Variants in NAB1 observed in about 807,000 individuals in gnomAD.
NAB1 encodes the protein NGFI-A-binding protein 1.
A neutral mutation model predicts 49.9 loss-of-function variants in NAB1; 25 were observed. The ratio of observed to expected loss-of-function variants is 0.50; its 90% confidence interval spans 0.37 to 0.70. The LOEUF (loss-of-function observed/expected upper bound fraction) is 0.70, where lower values mean the gene tolerates loss of function less well. NAB1 is among the 30% of genes least tolerant of loss of function. The pLI is 0.00. For missense variants in NAB1, 489 were observed against 575.9 expected, an observed-to-expected ratio of 0.85 and a Z score of 1.54; for synonymous variants, 198 against 215.6, an observed-to-expected ratio of 0.92 and a Z score of 0.71.
intron 4 of NAB1, among the ~76,000 whole-genome samples, chr2:190,665,835 G>C (rs764423250): frequency 6.6e-6 from 1 of 152,212 alleles, no homozygotes; most frequent in East Asian, 1.9e-4. Context: ...TCTCCTGGGG[G>C]TACAGACGTA....
At chr2:190,687,395 CAAAAAAAA>C (rs60742412) in intron 9 of NAB1, 78 bp downstream of exon 9, 424 of 161,708 alleles carry the variant, frequency 2.6e-3, no homozygotes, top group East Asian at 4.2e-3. Flanking sequence ...CCTCCCCCAT[CAAAAAAAA>C]AAAAAAAAAA....
chr2:190,653,800 T>G (rs1257564813), intron 2 of NAB1: 2 of 152,240 alleles, frequency 1.3e-5, no homozygotes, highest in African/African-American at 4.8e-5. Flanking sequence ...GGGGCCGGAC[T>G]CGTTGCATGA....
rs938704562 is a variant in NAB1 at position 190,692,695 on chromosome 2, T to C, written c.*2362T>C. Reference sequence around the variant, plus strand: ...TGTGCGATGTCCACGTTTTTGTGACTCTTCAAGCTGTTGGTGAGGTGGGAC... The same window carrying C: ...TGTGCGATGTCCACGTTTTTGTGACCCTTCAAGCTGTTGGTGAGGTGGGAC... On this transcript the variant is annotated 3_prime_UTR_variant, in exon 10 of 10. Transcript: ENST00000337386. The surrounding 1 kb of genome is among the most constrained non-coding windows in gnomAD (Gnocchi z 5.2). The C allele has an allele frequency of 3.3e-5, 5 of 152,686 alleles. No individual in the cohort carries two copies. The highest frequency in any genetic ancestry group is 1.2e-4 in the African/African-American group (5 of 41,468). The allele number at this position is 152,686 out of a possible 1,614,324, so 9.5% of individuals were successfully genotyped here.
rs147430098 is a variant in NAB1 at position 190,658,792 on chromosome 2, C to G, written c.-19-366C>G. ...GTATTCAGCAAATGGTTAGCATACTCTGCTTCTTACCTCCTGCTAAATTTG... is the reference window on the plus strand; with the variant it reads ...GTATTCAGCAAATGGTTAGCATACTGTGCTTCTTACCTCCTGCTAAATTTG... On this transcript the variant is annotated intron_variant, in intron 3 of 9. Coordinates refer to ENST00000337386, the MANE Select transcript of NAB1 (RefSeq NM_005966.4). Among the ~76,000 whole-genome samples the G allele has an allele frequency of 1.2e-3, 190 of 152,352 alleles. 2 individuals are homozygous for G. The East Asian group carries it at 0.029, about 23-fold the overall frequency.
In NAB1 at chr2:190,692,232, G is replaced by T. The variant is rs1471897597; in HGVS notation, c.*1899G>T. 6.6e-6 allele frequency: 1 copy of T among 151,018 alleles called. No homozygotes were observed. The highest frequency in any genetic ancestry group is 1.5e-5 in the Non-Finnish European group (1 of 67,540). The allele number at this position is 151,018 out of a possible 1,614,324, so 9.4% of individuals were successfully genotyped here. The stretch of plus-strand genomic sequence containing the variant: ...ATTCTAATCTATTTTGAAACATTTT[G>T]TTTTTTTTTAATTGTGTCTTACAGT... On this transcript the variant is annotated 3_prime_UTR_variant, in exon 10 of 10. Coordinates refer to ENST00000337386, the MANE Select transcript of NAB1 (RefSeq NM_005966.4). This position sits in a 1 kb window ranked among gnomAD's most constrained non-coding sequence, Gnocchi z 5.2.
chr2:190,668,393 GT>G (rs1291774059), intron 4 of NAB1, among the ~76,000 whole-genome samples: 1 of 151,952 alleles, frequency 6.6e-6, no homozygotes, highest in Non-Finnish European at 1.5e-5. Context: ...ATATATGGTT[GT>G]TTTCTACAAT....
chr2:190,655,874 T>C (rs962250240), intron 2 of NAB1, 103 bp from the exon 3 acceptor site: 9 of 152,208 alleles, frequency 5.9e-5, no homozygotes, highest in Non-Finnish European at 1.0e-4. Context: ...TTGGAACAAA[T>C]GATTACCGTT....
chr2:190,670,343 G>A lies in NAB1; in HGVS notation c.837G>A (p.Ala279=), dbSNP rs115192791. Residue 279 remains alanine (A), a synonymous_variant, in exon 5 of 10, where the codon GCG becomes GCA. Coordinates refer to ENST00000337386, the MANE Select transcript of NAB1 (RefSeq NM_005966.4). The surrounding 1 kb of genome is among the most constrained non-coding windows in gnomAD (Gnocchi z 5.3). Reference sequence around the variant, plus strand: ...ATATCCAGCTCACTGTTAATGAAGCGGCTGCTCAACTCTGTGTGAAGGATA... The same window carrying A: ...ATATCCAGCTCACTGTTAATGAAGCAGCTGCTCAACTCTGTGTGAAGGATA... ...LTLHELTVNE[A]AAQLCVKDNA... is the part of the protein sequence containing the mutation. The A allele has an allele frequency of 5.3e-4, 851 of 1,610,974 alleles. 4 individuals carry two copies. In the African/African-American group the frequency reaches 9.1e-3, roughly 17 times the overall value.
intron 6 of NAB1, among the ~76,000 whole-genome samples, chr2:190,681,806 A>C (rs1695361237): frequency 6.6e-6 from 1 of 152,220 alleles, no homozygotes; most frequent in Non-Finnish European, 1.5e-5. Flanking sequence ...TGATGGGGGA[A>C]AATTTTTGAA....
chr2:190,659,751 ATGCTGCTGCTGCGCTCTC>A lies in NAB1; in HGVS notation c.578_595del (p.Ala193_Ser198del). On this transcript the variant is annotated inframe_deletion, in exon 4 of 10. Coordinates refer to ENST00000337386, the MANE Select transcript of NAB1 (RefSeq NM_005966.4). The surrounding 1 kb of genome is among the most constrained non-coding windows in gnomAD (Gnocchi z 6.2). Reference sequence around the variant, plus strand: ...CCAAAGGAGAGCAGTGAGGCGCTGGATGCTGCTGCTGCGCTCTCTGTGGCTGAGTGTGTGGAGCGGATG... The same window carrying A: ...CCAAAGGAGAGCAGTGAGGCGCTGGATGTGGCTGAGTGTGTGGAGCGGATG... The A allele has an allele frequency of 6.2e-7, 1 of 1,614,112 alleles. No homozygotes were observed. The highest frequency in any genetic ancestry group is 8.5e-7 in the Non-Finnish European group (1 of 1,179,966).
Position 190,689,561 on chromosome 2 carries a change from A to ACTTTACTTT in NAB1, c.1376-684_1376-683insCTTTACTTT, listed in dbSNP as rs1156419128. On this transcript the variant is annotated intron_variant, in intron 9 of 9. Coordinates refer to ENST00000337386, the MANE Select transcript of NAB1 (RefSeq NM_005966.4). This position sits in a 1 kb window ranked among gnomAD's most constrained non-coding sequence, Gnocchi z 4.3. Reference sequence around the variant, plus strand: ...TATGTGTGTGTACATATCTCCCAGTATTTGTACTTTACATAAAGGTTACAT... The same window carrying ACTTTACTTT: ...TATGTGTGTGTACATATCTCCCAGTACTTTACTTTTTTGTACTTTACATAAAGGTTACAT... Among the ~76,000 whole-genome samples, 1 of 152,150 alleles carries ACTTTACTTT rather than the reference A, an allele frequency of 6.6e-6. No homozygotes were observed. The highest frequency in any genetic ancestry group is 2.4e-5 in the African/African-American group (1 of 41,450).
rs1310936505 is a variant in NAB1, at chr2:190,663,346, C to G, written c.819+3351C>G. On this transcript the variant is annotated intron_variant, in intron 4 of 9. Transcript: ENST00000337386. The surrounding 1 kb of genome is among the most constrained non-coding windows in gnomAD (Gnocchi z 4.2). ...CTCCTTAGCTCCTGACCAACCTTGC[C>G]AAAGGTTTGCCAATTTTATTCTTTT... Among the ~76,000 whole-genome samples, 3 of 152,160 alleles carry G rather than the reference C, an allele frequency of 2.0e-5. No homozygotes were observed. The highest frequency in any genetic ancestry group is 2.9e-5 in the Non-Finnish European group (2 of 68,036).
intron 5 of NAB1, among the ~76,000 whole-genome samples, chr2:190,671,689 C>T (rs376744051): frequency 9.9e-5 from 15 of 151,878 alleles, no homozygotes; most frequent in African/African-American, 3.1e-4. Context: ...TCTGCCTTCC[C>T]GCTTCTCAGT....
chr2:190,681,347 C>T (rs940327379), intron 6 of NAB1, among the ~76,000 whole-genome samples: 1 of 152,162 alleles, frequency 6.6e-6, no homozygotes, highest in Non-Finnish European at 1.5e-5. Context: ...TACTAGCTTA[C>T]CTCACTGAAC....
In NAB1 at chr2:190,654,650, TTC is replaced by T. The variant is rs199561074; in HGVS notation, c.-196-1323_-196-1322del. ...GCCTATATGAGTAGTTTGGATTTCT[TTC>T]TCTGCACTGGTGGAGAAGTTCGCAA... is the stretch of plus-strand genomic sequence containing the variant. On this transcript the variant is annotated intron_variant, in intron 2 of 9. Transcript: ENST00000337386. The surrounding 1 kb of genome is among the most constrained non-coding windows in gnomAD (Gnocchi z 5.6). Among the ~76,000 whole-genome samples, 2 of 28,570 alleles carry T rather than the reference TTC, an allele frequency of 7.0e-5. No homozygotes were observed. The highest frequency in any genetic ancestry group is 0.056 in the East Asian group (2 of 36). 18.7% of individuals were successfully genotyped at this position (28,570 alleles called of 152,430 possible).
In NAB1 at chr2:190,659,809, A is replaced by G; in HGVS notation, c.633A>G (p.Pro211=). Reference sequence around the variant, plus strand: ...TGGAGCGGATGGCCCCCACACTGCCAAAAAGTGACTTGAATGAAGTGAAAG... The same window carrying G: ...TGGAGCGGATGGCCCCCACACTGCCGAAAAGTGACTTGAATGAAGTGAAAG... ...ECVERMAPTL[P]KSDLNEVKEL... The change falls in exon 4 of 10, where the codon CCA becomes CCG. Residue 211 remains proline (P), a synonymous_variant. Coordinates refer to ENST00000337386, the MANE Select transcript of NAB1 (RefSeq NM_005966.4). The surrounding 1 kb of genome is among the most constrained non-coding windows in gnomAD (Gnocchi z 6.2). The G allele has an allele frequency of 6.2e-7, 1 of 1,614,228 alleles. No homozygotes were observed. The highest frequency in any genetic ancestry group is 8.5e-7 in the Non-Finnish European group (1 of 1,180,036).
At position 190,689,380 on chromosome 2, in the gene NAB1, CT is replaced by C. The variant is rs1008068457; in HGVS notation, c.1376-857del. 6.6e-6 allele frequency among the ~76,000 whole-genome samples: 1 copy of C among 152,012 alleles called. No individual in the cohort carries two copies. The highest frequency in any genetic ancestry group is 1.5e-5 in the Non-Finnish European group (1 of 67,994). On this transcript the variant is annotated intron_variant, in intron 9 of 9. Transcript: ENST00000337386. The surrounding 1 kb of genome is among the most constrained non-coding windows in gnomAD (Gnocchi z 4.3). Reference sequence around the variant, plus strand: ...GCAGGAATTCAATAAATAGTAGCTACTTTTTTTTACTACTCTTACGCGGAAC... The same window carrying C: ...GCAGGAATTCAATAAATAGTAGCTACTTTTTTTACTACTCTTACGCGGAAC...
chr2:190,660,964 TG>T (rs1168644803), intron 4 of NAB1, among the ~76,000 whole-genome samples: 4 of 149,864 alleles, frequency 2.7e-5, no homozygotes, highest in Admixed American at 1.3e-4. Flanking sequence ...TTTTTTGAGA[TG>T]GGGGTCTCAC....
chr2:190,653,876 C>T (rs1054909702), intron 2 of NAB1: 2 of 152,000 alleles, frequency 1.3e-5, no homozygotes, highest in African/African-American at 4.8e-5. Context: ...GGAGAATAGC[C>T]ATGTTATAGG....
Sources: allele counts gnomAD v4.1 joint callset (sites outside exome capture counted in the v4.1 genomes callset), GRCh38; gene constraint gnomAD v4.1.1; non-coding constraint Gnocchi (gnomAD v3.1); transcripts MANE v1.5; gene names NCBI Gene and HGNC (gene_info 2026-07-23, HGNC 2026-07-21).